The following WDR33 variants were observed in gnomAD, a reference collection of about 807,000 sequenced individuals.
WDR33 encodes the protein WD repeat domain 33, also known as pre-mRNA 3' end processing protein WDR33.
A neutral mutation model predicts 164.9 loss-of-function variants in WDR33; 47 were observed. The ratio of observed to expected loss-of-function variants is 0.29; its 90% CI spans 0.23 to 0.36. WDR33 has a LOEUF of 0.36. Among genes scored for constraint, WDR33 ranks in the 10% least tolerant of loss-of-function variants. The pLI, the probability that WDR33 is intolerant of heterozygous loss-of-function variation, is 1.00. For synonymous variants in WDR33, 505 were observed against 589.0 expected (o/e 0.86, Z 2.06); for missense variants, 1,137 against 1,754.1 (o/e 0.65, Z 6.28).
intron 1 of WDR33, among the ~76,000 whole-genome samples, chr2:127,775,977 C>A (rs183388555): frequency 1.3e-5 from 2 of 152,304 alleles, no homozygotes; most frequent in African/African-American, 4.8e-5. Context: ...ACCTTATACA[C>A]TTCAGCTTCA....
At chr2:127,805,741 C>T (rs1689412883) in intron 1 of WDR33, among the ~76,000 whole-genome samples, 1 of 152,086 alleles carries the variant, frequency 6.6e-6, no homozygotes, top group Non-Finnish European at 1.5e-5. Flanking sequence ...AAGCGAAAGC[C>T]TCCTGGAAGG....
chr2:127,756,159 C>T (rs748135194), intron 7 of WDR33, among the ~76,000 whole-genome samples: 45 of 151,920 alleles, frequency 3.0e-4, no homozygotes, highest in Non-Finnish European at 5.9e-4. Context: ...CATGGTGAAA[C>T]GCTGTCTCCA....
intron 7 of WDR33, among the ~76,000 whole-genome samples, chr2:127,742,664 G>T (rs1687052136): frequency 6.6e-6 from 1 of 151,108 alleles, no homozygotes. Flanking sequence ...CACAAAACAT[G>T]TAAGAAAAAA....
Position 127,709,348 on chromosome 2 carries a change from C to G in WDR33, c.3565+142G>C. The G allele has an allele frequency of 2.7e-6, 2 of 737,212 alleles. No homozygotes were observed. The highest frequency in any genetic ancestry group is 3.4e-5 in the South Asian group (2 of 59,450). The allele number at this position is 737,212 out of a possible 1,614,324, so 45.7% of individuals were successfully genotyped here. On this transcript the variant is annotated intron_variant, in intron 20 of 21. Coordinates refer to ENST00000322313, the MANE Select transcript of WDR33 (RefSeq NM_018383.5). This position sits in a 1 kb window ranked among gnomAD's most constrained non-coding sequence, Gnocchi z 5.0. ...TTCCACCTGCTGAGATCAAGTGCTG[C>G]GGCTGCAGGACAGGAGACAGCCCAG...
At chr2:127,762,565 C>G in intron 7 of WDR33, 1 of 981,394 alleles carries the variant, frequency 1.0e-6, no homozygotes. Context: ...CAATGCCACC[C>G]GAACTTAGTA....
At position 127,708,940 on chromosome 2, in the gene WDR33, A is replaced by T. The variant is rs1199740884; in HGVS notation, c.3566-48T>A. The T allele has an allele frequency of 6.7e-7, 1 of 1,488,422 alleles. No homozygotes were observed. 92.2% of individuals were successfully genotyped at this position (1,488,422 alleles called of 1,614,324 possible). A position where few individuals can be genotyped will look rare whatever the true frequency, so the allele number is the denominator to read the frequency against. On this transcript the variant is annotated intron_variant, in intron 20 of 21. Coordinates refer to ENST00000322313, the MANE Select transcript of WDR33 (RefSeq NM_018383.5). This position sits in a 1 kb window ranked among gnomAD's most constrained non-coding sequence, Gnocchi z 6.7. ...TTACAGGAAAGCACAGTGTGACCAG[A>T]AGTAGATGGGAATGACACTGTGAGA...
At position 127,704,988 on chromosome 2, in the gene WDR33, G is replaced by C. The variant is rs1362524931; in HGVS notation, c.*1335C>G. On this transcript the variant is annotated 3_prime_UTR_variant, in exon 22 of 22. Coordinates refer to ENST00000322313, the MANE Select transcript of WDR33 (RefSeq NM_018383.5). The stretch of plus-strand genomic sequence containing the variant: ...CATATGCCTGTAGTCCTAGCTACTA[G>C]GGAGGCTGAGGCAGGGTCAAAGCTG... 6.3e-6 allele frequency: 1 copy of C among 159,452 alleles called. No homozygotes were observed. Among genetic ancestry groups the C allele is most frequent in the African/African-American group, 2.4e-5 (1 of 41,452 alleles). 9.9% of individuals were successfully genotyped at this position (159,452 alleles called of 1,614,324 possible). A position where few individuals can be genotyped will look rare whatever the true frequency, so the allele number is the denominator to read the frequency against.
Position 127,719,758 on chromosome 2 carries a change from TGAG to T in WDR33, c.2264_2266del (p.Pro755del), listed in dbSNP as rs1259834890. ...AGACCCTGGTCCGCCTTGGATCCCATGAGGATGAGGAGGCCCTTGCATTCCTCT... is the reference window on the plus strand; with the variant it reads ...AGACCCTGGTCCGCCTTGGATCCCATGATGAGGAGGCCCTTGCATTCCTCT... On this transcript the variant is annotated inframe_deletion, in exon 16 of 22. Coordinates refer to ENST00000322313, the MANE Select transcript of WDR33 (RefSeq NM_018383.5). This position sits in a 1 kb window ranked among gnomAD's most constrained non-coding sequence, Gnocchi z 6.5. 1 of 1,613,770 alleles carries T rather than the reference TGAG, an allele frequency of 6.2e-7. No individual in the cohort carries two copies. The highest frequency in any genetic ancestry group is 1.3e-5 in the African/African-American group (1 of 74,912).
At chr2:127,743,842 C>G (rs1284146853) in intron 7 of WDR33, among the ~76,000 whole-genome samples, 1 of 152,166 alleles carries the variant, frequency 6.6e-6, no homozygotes, top group Non-Finnish European at 1.5e-5. Flanking sequence ...CTCAATTCCT[C>G]ACCTTTGATG....
At chr2:127,765,465 T>C (rs985480268) in intron 4 of WDR33, among the ~76,000 whole-genome samples, 196 bp from the exon 5 acceptor site, 1 of 152,242 alleles carries the variant, frequency 6.6e-6, no homozygotes, top group African/African-American at 2.4e-5. Context: ...TCTAGTCCTT[T>C]GGTTTATTAG....
chr2:127,765,003 T>C (rs1172099696), intron 5 of WDR33, 24 bp from the exon 6 acceptor site: 3 of 1,610,614 alleles, frequency 1.9e-6, no homozygotes, highest in Non-Finnish European at 2.5e-6. Context: ...AAACATTAAT[T>C]AGTAAGGTGC....
intron 7 of WDR33, among the ~76,000 whole-genome samples, chr2:127,758,916 C>T (rs1687597731): frequency 6.6e-6 from 1 of 152,108 alleles, no homozygotes; most frequent in African/African-American, 2.4e-5. Context: ...ATAGGATACT[C>T]GTTGTTTATT....
chr2:127,773,339 G>A (rs190343496), intron 1 of WDR33, among the ~76,000 whole-genome samples: 1 of 152,188 alleles, frequency 6.6e-6, no homozygotes, highest in Non-Finnish European at 1.5e-5. Context: ...TCCTTTTGAT[G>A]AAATATTCTT....
At position 127,719,700 on chromosome 2, in the gene WDR33, A is replaced by G; in HGVS notation, c.2325T>C (p.Pro775=). The G allele has an allele frequency of 1.2e-6, 2 of 1,613,672 alleles. No homozygotes were observed. The highest frequency in any genetic ancestry group is 8.5e-7 in the Non-Finnish European group (1 of 1,179,888). ...TTCCTCTTGGATTCAATCCCATCAG[A>G]GGTCCCTGAGACACAGGACCTTGGA... ...QGIQGPVSQG[P]LMGLNPRGMQ... The change falls in exon 16 of 22, where the codon CCT becomes CCC. Residue 775 remains proline (P), a synonymous_variant. Coordinates refer to ENST00000322313, the MANE Select transcript of WDR33 (RefSeq NM_018383.5). The surrounding 1 kb of genome is among the most constrained non-coding windows in gnomAD (Gnocchi z 6.5).
Position 127,702,236 on chromosome 2 carries a change from C to A in WDR33, c.*4087G>T. The A allele has an allele frequency of 8.4e-7, 1 of 1,185,326 alleles. No individual in the cohort carries two copies. The allele number at this position is 1,185,326 out of a possible 1,614,324, so 73.4% of individuals were successfully genotyped here. On this transcript the variant is annotated 3_prime_UTR_variant, in exon 22 of 22. Coordinates refer to ENST00000322313, the MANE Select transcript of WDR33 (RefSeq NM_018383.5). ...GAGCCAGCGCCGTCGGAGACCGCGC[C>A]GGCCGAGCTGAGGACTGCACGCCGC... is the stretch of plus-strand genomic sequence containing the variant.
chr2:127,766,761 CAT>C (rs1687833872), intron 4 of WDR33, among the ~76,000 whole-genome samples: 2 of 150,626 alleles, frequency 1.3e-5, no homozygotes, highest in Non-Finnish European at 2.9e-5. Context: ...CTTCTACTCA[CAT>C]AACAATGTTT....
At chr2:127,782,092 G>A (rs919012297) in intron 1 of WDR33, among the ~76,000 whole-genome samples, 2 of 150,562 alleles carry the variant, frequency 1.3e-5, no homozygotes, top group Admixed American at 6.6e-5. Flanking sequence ...CAAATTTGTG[G>A]ATCACTAAAC....
chr2:127,770,410 C>T lies in WDR33; in HGVS notation c.204+368G>A, dbSNP rs140712681. On this transcript the variant is annotated intron_variant, in intron 2 of 21. Transcript: ENST00000322313. This position sits in a 1 kb window ranked among gnomAD's most constrained non-coding sequence, Gnocchi z 4.9. ...AATCATCTTCTTTTAAATAACCAGGCCGGGCGCAGTGGCTCATGCCTGTAA... is the reference window on the plus strand; with the variant it reads ...AATCATCTTCTTTTAAATAACCAGGTCGGGCGCAGTGGCTCATGCCTGTAA... Among the ~76,000 whole-genome samples the T allele has an allele frequency of 2.3e-3, 343 of 152,252 alleles. 1 individual carries two copies. The highest frequency in any genetic ancestry group is 7.9e-3 in the African/African-American group (327 of 41,552).
At position 127,712,901 on chromosome 2, in the gene WDR33, T is replaced by C. The variant is rs1220831907; in HGVS notation, c.3308+682A>G. On this transcript the variant is annotated intron_variant, in intron 18 of 21. Coordinates refer to ENST00000322313, the MANE Select transcript of WDR33 (RefSeq NM_018383.5). This position sits in a 1 kb window ranked among gnomAD's most constrained non-coding sequence, Gnocchi z 4.0. Reference sequence around the variant, plus strand: ...TCCTGAGTAGCTAGGACTACAGGCATGCACCACCAAACCCAGCTAATTAAA... The same window carrying C: ...TCCTGAGTAGCTAGGACTACAGGCACGCACCACCAAACCCAGCTAATTAAA... Among the ~76,000 whole-genome samples, 1 of 152,190 alleles carries C rather than the reference T, an allele frequency of 6.6e-6. No homozygotes were observed. Among genetic ancestry groups the C allele is most frequent in the Non-Finnish European group, 1.5e-5 (1 of 68,042 alleles).
Sources: allele counts gnomAD v4.1 joint callset (sites outside exome capture counted in the v4.1 genomes callset), GRCh38; gene constraint gnomAD v4.1.1; non-coding constraint Gnocchi (gnomAD v3.1); transcripts MANE v1.5; gene names NCBI Gene and HGNC (gene_info 2026-07-23, HGNC 2026-07-21).